SGCZ: variants seen among roughly 807,000 people sequenced by gnomAD.
SGCZ encodes the protein sarcoglycan zeta.
A neutral mutation model predicts 41.3 loss-of-function variants in SGCZ; 40 were observed. The observed-to-expected ratio is 0.97, with a 90% CI of 0.75 to 1.26. The LOEUF is 1.26. Ranked by LOEUF, SGCZ falls within the 50% of genes most tolerant of loss-of-function variation. The pLI is 0.00. For missense variants in SGCZ, 552 were observed against 369.8 expected (o/e 1.49, Z -4.04); for synonymous variants, 206 against 137.5 (o/e 1.50, Z -3.49).
intron 1 of SGCZ, among the ~76,000 whole-genome samples, chr8:14,655,801 A>C (rs1255635526): frequency 6.6e-6 from 1 of 152,090 alleles, no homozygotes; most frequent in Non-Finnish European, 1.5e-5. Flanking sequence ...AGCAACCAAT[A>C]ATCTGTCCTC....
intron 3 of SGCZ, among the ~76,000 whole-genome samples, chr8:14,260,862 C>A (rs1208149528): frequency 1.3e-5 from 2 of 152,054 alleles, no homozygotes; most frequent in Non-Finnish European, 2.9e-5. Flanking sequence ...AAACCAAACA[C>A]CGCATATTCT....
At chr8:14,641,254 C>T (rs1807017205) in intron 1 of SGCZ, among the ~76,000 whole-genome samples, 1 of 151,564 alleles carries the variant, frequency 6.6e-6, no homozygotes, top group Admixed American at 6.6e-5. Context: ...TCAGCAAAAG[C>T]AACAAAACAC....
chr8:14,634,738 C>T (rs1806772815), intron 1 of SGCZ, among the ~76,000 whole-genome samples: 1 of 151,736 alleles, frequency 6.6e-6, no homozygotes, highest in African/African-American at 2.4e-5. Context: ...ATTCCATAAA[C>T]TTTTCCTGAC....
chr8:14,707,444 GC>G (rs1456538894), intron 1 of SGCZ, among the ~76,000 whole-genome samples: 3 of 152,048 alleles, frequency 2.0e-5, no homozygotes, highest in Non-Finnish European at 1.5e-5. Context: ...AGAAAGAATA[GC>G]AAAACCAGTC....
At chr8:14,092,606 C>T (rs979638170) in intron 7 of SGCZ, among the ~76,000 whole-genome samples, 2 of 151,928 alleles carry the variant, frequency 1.3e-5, no homozygotes, top group African/African-American at 4.8e-5. Context: ...TTCCCCCATG[C>T]TGTTCTCAGG....
intron 4 of SGCZ, among the ~76,000 whole-genome samples, chr8:14,185,402 CAAAAT>C (rs905502292): frequency 6.6e-6 from 1 of 151,930 alleles, no homozygotes; most frequent in Non-Finnish European, 1.5e-5. Context: ...GACTGTCTCT[CAAAAT>C]AAATAAATAA....
At chr8:14,918,397 C>T (rs1011823541) in intron 1 of SGCZ, among the ~76,000 whole-genome samples, 2 of 151,756 alleles carry the variant, frequency 1.3e-5, no homozygotes, top group Non-Finnish European at 2.9e-5. Context: ...GTAATTTTCT[C>T]GGGGTCTCTC....
chr8:14,298,451 C>T (rs1253698461), intron 3 of SGCZ, among the ~76,000 whole-genome samples: 2 of 151,800 alleles, frequency 1.3e-5, no homozygotes, highest in Non-Finnish European at 2.9e-5. Flanking sequence ...TTACATAATT[C>T]CCAACACTAC....
intron 1 of SGCZ, among the ~76,000 whole-genome samples, chr8:15,067,495 G>A (rs961507000): frequency 6.6e-5 from 10 of 152,108 alleles, no homozygotes; most frequent in Admixed American, 4.6e-4. Flanking sequence ...TATTAGGACT[G>A]GGTGTCCCAG....
At chr8:15,116,212 A>C (rs1807262313) in intron 1 of SGCZ, among the ~76,000 whole-genome samples, 1 of 151,904 alleles carries the variant, frequency 6.6e-6, no homozygotes, top group Admixed American at 6.6e-5. Flanking sequence ...CTCTGTATTT[A>C]AAAAAAATAG....
intron 1 of SGCZ, among the ~76,000 whole-genome samples, chr8:15,100,975 C>G (rs1267694950): frequency 7.7e-6 from 1 of 129,522 alleles, no homozygotes; most frequent in Admixed American, 7.9e-5. Flanking sequence ...GACCATGTCT[C>G]AAAAAAAAAA....
Position 14,833,823 on chromosome 8 carries a change from A to G in SGCZ, c.40-278897T>C, listed in dbSNP as rs577761833. ...ATTATGGAGCTAGGGATGATCCAGG[A>G]AAAAAAAAAATGTGTTAAATTAAAT... is the stretch of plus-strand genomic sequence containing the variant. On this transcript the variant is annotated intron_variant, in intron 1 of 7. Coordinates refer to ENST00000382080, the MANE Select transcript of SGCZ (RefSeq NM_139167.4). 4.9e-3 allele frequency among the ~76,000 whole-genome samples: 156 copies of G among 31,606 alleles called. No homozygotes were observed. In the African/African-American group the frequency reaches 0.08, roughly 16 times the overall value. The allele number at this position is 31,606 out of a possible 152,430, so 20.7% of individuals were successfully genotyped here. A position where few individuals can be genotyped will look rare whatever the true frequency, so the allele number is the denominator to read the frequency against.
chr8:14,808,337 C>T (rs1005192151), intron 1 of SGCZ, among the ~76,000 whole-genome samples: 9 of 152,008 alleles, frequency 5.9e-5, no homozygotes, highest in African/African-American at 2.2e-4. Flanking sequence ...ACTCATCTGA[C>T]AAAGGGCTAA....
At chr8:14,427,172 C>G (rs903297558) in intron 2 of SGCZ, among the ~76,000 whole-genome samples, 2 of 152,038 alleles carry the variant, frequency 1.3e-5, no homozygotes, top group Admixed American at 6.6e-5. Context: ...ACTAAATTCT[C>G]TTTGCCAAAG....
rs1373701556 is a variant in SGCZ, at chr8:14,363,769, G to C, written c.235-39565C>G. Among the ~76,000 whole-genome samples the C allele has an allele frequency of 2.0e-5, 3 of 152,066 alleles. No homozygotes were observed. The East Asian group carries it at 5.8e-4, about 29-fold the overall frequency. On this transcript the variant is annotated intron_variant, in intron 2 of 7. Transcript: ENST00000382080. ...CAAATGGCAGACTGCTTCTCCTCTT[G>C]CAACATTTCCTGTCGAAAAACATTC...
chr8:14,745,295 A>G (rs983725028), intron 1 of SGCZ, among the ~76,000 whole-genome samples: 5 of 152,138 alleles, frequency 3.3e-5, no homozygotes, highest in African/African-American at 1.2e-4. Flanking sequence ...CAAGGTGCCA[A>G]ATGCATGGCA....
intron 1 of SGCZ, among the ~76,000 whole-genome samples, chr8:14,675,083 C>G (rs1461917478): frequency 6.6e-6 from 1 of 151,272 alleles, no homozygotes; most frequent in Admixed American, 6.6e-5. Flanking sequence ...GGACTATAGG[C>G]ACCCGCCACC....
At chr8:15,182,568 A>T (rs1733341199) in intron 1 of SGCZ, among the ~76,000 whole-genome samples, 2 of 152,196 alleles carry the variant, frequency 1.3e-5, no homozygotes, top group Admixed American at 1.3e-4. Flanking sequence ...AATACAGCAT[A>T]AAAGATTTTT....
intron 1 of SGCZ, among the ~76,000 whole-genome samples, chr8:14,883,517 A>C (rs1186796424): frequency 6.6e-6 from 1 of 152,168 alleles, no homozygotes; most frequent in African/African-American, 2.4e-5. Context: ...TCCTTATTTT[A>C]TTTAGTAATG....
Sources: gnomAD v4.1 joint callset for allele counts (sites outside exome capture counted in the v4.1 genomes callset) on GRCh38, gnomAD v4.1.1 for gene constraint, MANE v1.5 for transcripts, NCBI Gene and HGNC (gene_info 2026-07-23, HGNC 2026-07-21) for gene names.